EPN2: variants seen among roughly 807,000 people sequenced by gnomAD.
The protein encoded by EPN2 is epsin-2.
In EPN2, 34 loss-of-function variants were observed where a neutral mutation model predicts 61.7. The observed-to-expected ratio is 0.55, with a 90% confidence interval of 0.42 to 0.73. The LOEUF is 0.73. Among genes scored for constraint, EPN2 ranks in the 30% least tolerant of loss-of-function variants. EPN2 has a pLI of 0.00. For missense variants in EPN2, 714 were observed against 839.2 expected (o/e 0.85, Z 1.84); for synonymous variants, 349 against 353.6 (o/e 0.99, Z 0.15).
Position 19,259,607 on chromosome 17 carries a change from C to T in EPN2, c.-294+22076C>T, listed in dbSNP as rs117494721. Reference sequence around the variant, plus strand: ...GTTTACAGGCATGAGCCACAGCGCCCGGCTGAGTATTGGGTCTTTAGGGGT... The same window carrying T: ...GTTTACAGGCATGAGCCACAGCGCCTGGCTGAGTATTGGGTCTTTAGGGGT... On this transcript the variant is annotated intron_variant, in intron 1 of 10. Transcript: ENST00000314728. 6.6e-3 allele frequency among the ~76,000 whole-genome samples: 1,002 copies of T among 152,236 alleles called. 52 individuals are homozygous for T. The East Asian group carries it at 0.12, about 18-fold the overall frequency.
At chr17:19,259,147 A>AT (rs952319299) in intron 1 of EPN2, among the ~76,000 whole-genome samples, 5 of 152,088 alleles carry the variant, frequency 3.3e-5, no homozygotes, top group Admixed American at 1.3e-4. Flanking sequence ...GAAATTTGTG[A>AT]TTTTTTGAAA....
At chr17:19,312,914 C>T in intron 6 of EPN2, 191 bp from the exon 7 acceptor site, 1 of 606,976 alleles carries the variant, frequency 1.6e-6, no homozygotes, top group Non-Finnish European at 2.9e-6. Flanking sequence ...CAGTAAATAG[C>T]TTGTTGTGAC....
chr17:19,333,889 C>A, intron 10 of EPN2, 67 bp from the exon 11 acceptor site: 1 of 1,411,302 alleles, frequency 7.1e-7, no homozygotes, highest in South Asian at 1.5e-5. Flanking sequence ...CATGCAGTCC[C>A]TGACCTGGGA....
intron 6 of EPN2, among the ~76,000 whole-genome samples, chr17:19,312,392 C>A (rs1388089094): frequency 1.3e-5 from 2 of 152,226 alleles, no homozygotes; most frequent in Non-Finnish European, 2.9e-5. Context: ...GATGATAGTG[C>A]CTGCCTCCTG....
At chr17:19,263,056 T>A (rs1290983267) in intron 1 of EPN2, among the ~76,000 whole-genome samples, 1 of 152,268 alleles carries the variant, frequency 6.6e-6, no homozygotes, top group Non-Finnish European at 1.5e-5. Context: ...CATGAGTCCC[T>A]GTGTAGACAT....
chr17:19,270,388 A>G (rs558394286), intron 1 of EPN2, among the ~76,000 whole-genome samples: 1 of 152,322 alleles, frequency 6.6e-6, no homozygotes, highest in South Asian at 2.1e-4. Flanking sequence ...TGTATAGTCT[A>G]GAGAGAGATG....
At chr17:19,265,108 G>A (rs1364727828) in intron 1 of EPN2, among the ~76,000 whole-genome samples, 1 of 152,110 alleles carries the variant, frequency 6.6e-6, no homozygotes, top group East Asian at 1.9e-4. Flanking sequence ...AAGAAGGTCC[G>A]GTGGCCAGGC....
intron 1 of EPN2, among the ~76,000 whole-genome samples, chr17:19,265,645 GCT>G (rs370986218): frequency 4.0e-5 from 6 of 151,624 alleles, no homozygotes; most frequent in Non-Finnish European, 7.4e-5. Context: ...ATCTTCCTCT[GCT>G]CTCTCTCTCT....
chr17:19,282,847 C>T (rs550759527), intron 2 of EPN2, 103 bp from the exon 3 acceptor site: 4 of 387,486 alleles, frequency 1.0e-5, no homozygotes, highest in East Asian at 8.9e-5. Context: ...CTGGGTATGT[C>T]CACTCAGCTC....
At chr17:19,259,787 T>TGA (rs983829032) in intron 1 of EPN2, among the ~76,000 whole-genome samples, 1 of 152,204 alleles carries the variant, frequency 6.6e-6, no homozygotes, top group Non-Finnish European at 1.5e-5. Flanking sequence ...AGATGGGCCT[T>TGA]GAGAGAGCGA....
At chr17:19,312,450 C>T (rs544262947) in intron 6 of EPN2, among the ~76,000 whole-genome samples, 31 of 152,342 alleles carry the variant, frequency 2.0e-4, no homozygotes, top group African/African-American at 3.8e-4. Flanking sequence ...CCAGGGGCTG[C>T]GGAACGCTTT....
At chr17:19,329,134 A>T in intron 8 of EPN2, 1 of 494,766 alleles carries the variant, frequency 2.0e-6, no homozygotes, top group Non-Finnish European at 3.6e-6. Flanking sequence ...GGGTGTTGAG[A>T]GAGAAGACTG....
intron 1 of EPN2, among the ~76,000 whole-genome samples, chr17:19,272,837 G>A (rs939554982): frequency 3.3e-5 from 5 of 152,072 alleles, no homozygotes; most frequent in Non-Finnish European, 5.9e-5. Flanking sequence ...GGGAGGTGCA[G>A]CTCCTTGCCA....
intron 1 of EPN2, among the ~76,000 whole-genome samples, chr17:19,260,056 A>G (rs2045124171): frequency 6.6e-6 from 1 of 152,172 alleles, no homozygotes; most frequent in Admixed American, 6.6e-5. Flanking sequence ...GGACTGTGCC[A>G]CTGGAGCTCT....
chr17:19,335,354 A>G lies in EPN2; in HGVS notation c.*1100A>G. 1 of 1,529,896 alleles carries G rather than the reference A, an allele frequency of 6.5e-7. No homozygotes were observed. The highest frequency in any genetic ancestry group is 8.8e-7 in the Non-Finnish European group (1 of 1,131,698). The allele number at this position is 1,529,896 out of a possible 1,614,324, so 94.8% of individuals were successfully genotyped here. The stretch of plus-strand genomic sequence containing the variant: ...AAAGTTAAAGAAAAAAATCTAATGT[A>G]TGAATGTGACTCACCAATTTTTATC... On this transcript the variant is annotated 3_prime_UTR_variant, in exon 11 of 11. Transcript: ENST00000314728.
rs928831094 is a variant in EPN2, at chr17:19,334,307, G to A, written c.*53G>A. On this transcript the variant is annotated 3_prime_UTR_variant, in exon 11 of 11. Coordinates refer to ENST00000314728, the MANE Select transcript of EPN2 (RefSeq NM_014964.5). This position sits in a 1 kb window ranked among gnomAD's most constrained non-coding sequence, Gnocchi z 4.9. ...ACCTGTGCTGGAGGATGCCGAGCAG[G>A]GACTCTCGTCTGTGGGACGGGATCC... 8.9e-6 allele frequency: 12 copies of A among 1,347,700 alleles called. No individual in the cohort carries two copies. The highest frequency in any genetic ancestry group is 3.4e-5 in the Admixed American group (1 of 29,438). 83.5% of individuals were successfully genotyped at this position (1,347,700 alleles called of 1,614,324 possible).
At chr17:19,270,048 A>C (rs2045238418) in intron 1 of EPN2, among the ~76,000 whole-genome samples, 1 of 152,222 alleles carries the variant, frequency 6.6e-6, no homozygotes. Context: ...TCAGAGTCTG[A>C]GAGCAAATCC....
chr17:19,335,594 CA>C lies in EPN2; in HGVS notation c.*1342del. 3 of 896,104 alleles carry C rather than the reference CA, an allele frequency of 3.3e-6. No individual in the cohort carries two copies. The highest frequency in any genetic ancestry group is 4.9e-6 in the Non-Finnish European group (3 of 615,010). The allele number at this position is 896,104 out of a possible 1,614,324, so 55.5% of individuals were successfully genotyped here. Reference sequence around the variant, plus strand: ...GCTTCTGTGCCCACGGGTCCCTGGGCAACAGTCCCTAGGCTAAGACAGGGGT... The same window carrying C: ...GCTTCTGTGCCCACGGGTCCCTGGGCACAGTCCCTAGGCTAAGACAGGGGT... On this transcript the variant is annotated 3_prime_UTR_variant, in exon 11 of 11. Coordinates refer to ENST00000314728, the MANE Select transcript of EPN2 (RefSeq NM_014964.5).
In EPN2 at chr17:19,283,020, C is replaced by A; in HGVS notation, c.-100C>A. The A allele has an allele frequency of 1.2e-6, 1 of 803,162 alleles. No individual in the cohort carries two copies. Among genetic ancestry groups the A allele is most frequent in the Non-Finnish European group, 2.0e-6 (1 of 512,116 alleles). The allele number at this position is 803,162 out of a possible 1,614,324, so 49.8% of individuals were successfully genotyped here. A position where few individuals can be genotyped will look rare whatever the true frequency, so the allele number is the denominator to read the frequency against. On this transcript the variant is annotated 5_prime_UTR_variant, in exon 3 of 11. Transcript: ENST00000314728. This position sits in a 1 kb window ranked among gnomAD's most constrained non-coding sequence, Gnocchi z 7.0. ...TGACCATTCAGGGATCTTACTCCAG[C>A]TTGATTACGGAGACTGAACCTTCAT... is the stretch of plus-strand genomic sequence containing the variant.
Sources: gnomAD v4.1 joint callset for allele counts (sites outside exome capture counted in the v4.1 genomes callset) on GRCh38, gnomAD v4.1.1 for gene constraint, Gnocchi (gnomAD v3.1) non-coding constraint, MANE v1.5 for transcripts, NCBI Gene and HGNC (gene_info 2026-07-23, HGNC 2026-07-21) for gene names.